LLGL2: variants seen among roughly 807,000 people sequenced by gnomAD.
LLGL2 encodes the protein LLGL2, scribble cell polarity complex component.
LLGL2 carries 81 observed loss-of-function variants against 123.2 expected under a neutral mutation model. That is an observed-to-expected ratio of 0.66 (90% CI 0.55 to 0.79). The LOEUF is 0.79. Among genes scored for constraint, LLGL2 ranks in the 30% least tolerant of loss-of-function variants. The probability of loss-of-function intolerance (pLI) is 0.00; values close to 1 mark genes in which losing one functional copy is unlikely to be tolerated. For synonymous variants in LLGL2, 577 were observed against 594.1 expected, an observed-to-expected ratio of 0.97 and a Z score of 0.42; for missense variants, 1,273 against 1,414.6, an observed-to-expected ratio of 0.90 and a Z score of 1.61.
At position 75,569,299 on chromosome 17, in the gene LLGL2, C is replaced by G. The variant is rs942272827; in HGVS notation, c.1555C>G (p.Leu519Val). Residue 519 changes from leucine to valine, a missense_variant, in exon 14 of 26, where the codon CTG becomes GTG. Leu to Val is a conservative substitution (Grantham distance 32). Transcript: ENST00000392550. Reference sequence around the variant, plus strand: ...CTTCCTCTGCAAGTACAGCGGCTACCTGGCTGTGGCAGGCACGGCAGGGCA... The same window carrying G: ...CTTCCTCTGCAAGTACAGCGGCTACGTGGCTGTGGCAGGCACGGCAGGGCA... ...KIFLCKYSGYLAVAGTAGQVL... is the reference protein window; with the variant it reads ...KIFLCKYSGYVAVAGTAGQVL... 6.2e-7 allele frequency: 1 copy of G among 1,613,318 alleles called. No homozygotes were observed. The highest frequency in any genetic ancestry group is 8.5e-7 in the Non-Finnish European group (1 of 1,179,982).
chr17:75,563,420 C>G lies in LLGL2; in HGVS notation c.783C>G (p.Ser261Arg). The G allele has an allele frequency of 1.2e-6, 2 of 1,612,772 alleles. No individual in the cohort carries two copies. The highest frequency in any genetic ancestry group is 1.7e-6 in the Non-Finnish European group (2 of 1,180,028). Residue 261 changes from serine to arginine, a missense_variant, in exon 8 of 26, where the codon AGC (serine) becomes AGG (arginine). Coordinates refer to ENST00000392550, the MANE Select transcript of LLGL2 (RefSeq NM_001031803.2). ...DGSYCQWPVS[S>R]EAQQPEPLRS... ...GCTACTGCCAGTGGCCCGTGTCCAG[C>G]GAAGCCCAGCAACCAGAGCCCCTCC... is the stretch of plus-strand genomic sequence containing the variant.
chr17:75,571,771 C>G lies in LLGL2; in HGVS notation c.2281C>G (p.Arg761Gly). The G allele has an allele frequency of 1.2e-6, 2 of 1,607,138 alleles. No individual in the cohort carries two copies. Among genetic ancestry groups the G allele is most frequent in the Non-Finnish European group, 1.7e-6 (2 of 1,179,524 alleles). ...CGAGCGGAGAATGGATGAGCCTGTG[C>G]GGGCAGAGCAGGGTGAGTGCTGGGC... Reference protein sequence around the residue: ...PAERRMDEPVRAEQAKEIQLM... With the variant: ...PAERRMDEPVGAEQAKEIQLM... Residue 761 changes from arginine (R) to glycine (G), a missense_variant, in exon 18 of 26, where the codon CGG becomes GGG. Arg to Gly is a moderately radical substitution (Grantham distance 125, BLOSUM62 -2). Transcript: ENST00000392550.
In LLGL2 at chr17:75,558,250, G is replaced by A; in HGVS notation, c.255+14G>A. The A allele has an allele frequency of 6.2e-7, 1 of 1,607,136 alleles. No individual in the cohort carries two copies. The highest frequency in any genetic ancestry group is 8.5e-7 in the Non-Finnish European group (1 of 1,176,040). On this transcript the variant is annotated intron_variant, in intron 4 of 25. Coordinates refer to ENST00000392550, the MANE Select transcript of LLGL2 (RefSeq NM_001031803.2). The surrounding 1 kb of genome is among the most constrained non-coding windows in gnomAD (Gnocchi z 4.0). ...CTGCCCGGCCAGGTGAGGGACCTGG[G>A]GTGGGACAGGAAGCCACTTCCATGC...
Position 75,549,982 on chromosome 17 carries a change from GT to G in LLGL2, c.76-6062del, listed in dbSNP as rs2054594128. Among the ~76,000 whole-genome samples the G allele has an allele frequency of 6.6e-6, 1 of 152,226 alleles. No individual in the cohort carries two copies. Among genetic ancestry groups the G allele is most frequent in the South Asian group, 2.1e-4 (1 of 4,828 alleles). On this transcript the variant is annotated intron_variant, in intron 2 of 25. Transcript: ENST00000392550. This position sits in a 1 kb window ranked among gnomAD's most constrained non-coding sequence, Gnocchi z 4.0. ...CTTTCCCAACCCCCCTGTCAAAAGA[GT>G]TCATTGTTCTCTCCTCCCTTGGCAG...
At chr17:75,557,795 G>A (rs991388904) in intron 3 of LLGL2, 1 of 363,320 alleles carries the variant, frequency 2.8e-6, no homozygotes, top group Admixed American at 3.8e-5. Flanking sequence ...TAGGCCCCCT[G>A]GGGTGCCGTG....
intron 22 of LLGL2, 84 bp downstream of exon 22, chr17:75,574,064 T>C: frequency 6.5e-7 from 1 of 1,549,578 alleles, no homozygotes; most frequent in Non-Finnish European, 8.7e-7. Flanking sequence ...GGGTCCCGAG[T>C]GAGCAGGTAG....
At chr17:75,528,324 C>A (rs1285578751) in intron 1 of LLGL2, among the ~76,000 whole-genome samples, 2 of 151,960 alleles carry the variant, frequency 1.3e-5, no homozygotes, top group Non-Finnish European at 2.9e-5. Flanking sequence ...ACTGTGTTAG[C>A]CAAGATGGTC....
Position 75,563,150 on chromosome 17 carries a change from G to A in LLGL2, c.665G>A (p.Arg222His), listed in dbSNP as rs772335625. The part of the protein sequence containing the change: ...LVVIWDLQGS[R>H]VLYHFLSSQQ... The stretch of plus-strand genomic sequence containing the variant: ...GTCATCTGGGACCTACAGGGCAGCC[G>A]CGTGCTCTACCACTTCCTCAGCAGC... The change falls in exon 7 of 26, where the codon CGC becomes CAC. Residue 222 changes from arginine (R) to histidine (H), a missense_variant. Coordinates refer to ENST00000392550, the MANE Select transcript of LLGL2 (RefSeq NM_001031803.2). 20 of 1,613,002 alleles carry A rather than the reference G, an allele frequency of 1.2e-5. No individual in the cohort carries two copies. The highest frequency in any genetic ancestry group is 4.5e-5 in the East Asian group (2 of 44,900).
chr17:75,565,575 G>A (rs1376559186), intron 10 of LLGL2, among the ~76,000 whole-genome samples: 3 of 152,186 alleles, frequency 2.0e-5, no homozygotes, highest in Non-Finnish European at 4.4e-5. Flanking sequence ...GGGCTATGGT[G>A]GCCACACTCC....
At chr17:75,542,112 C>T (rs192812488) in intron 1 of LLGL2, among the ~76,000 whole-genome samples, 18 of 152,210 alleles carry the variant, frequency 1.2e-4, no homozygotes, top group African/African-American at 4.1e-4. Flanking sequence ...CTGCCACGCA[C>T]GTTACCTACC....
chr17:75,546,470 G>C (rs1202816979), intron 2 of LLGL2: 1 of 176,888 alleles, frequency 5.7e-6, no homozygotes, highest in African/African-American at 2.4e-5. Context: ...GCCACGTCTG[G>C]CTGGCGGCTG....
At chr17:75,563,256 G>C (rs978559721) in intron 7 of LLGL2, 75 bp from the exon 8 acceptor site, 9 of 1,604,662 alleles carry the variant, frequency 5.6e-6, no homozygotes, top group African/African-American at 1.3e-5. Flanking sequence ...CTGTGCAGAG[G>C]CATGGGGTGC....
Position 75,559,456 on chromosome 17 carries a change from G to C in LLGL2, c.530+46G>C. 6.4e-7 allele frequency: 1 copy of C among 1,550,962 alleles called. No homozygotes were observed. The highest frequency in any genetic ancestry group is 8.7e-7 in the Non-Finnish European group (1 of 1,150,212). On this transcript the variant is annotated intron_variant, in intron 6 of 25. Coordinates refer to ENST00000392550, the MANE Select transcript of LLGL2 (RefSeq NM_001031803.2). This position sits in a 1 kb window ranked among gnomAD's most constrained non-coding sequence, Gnocchi z 4.6. ...CTGTTAACTCCATCCCCTCAAGTTA[G>C]GCATGGCTTCTCCCCTTGGTCCCAG...
chr17:75,569,887 G>A, intron 14 of LLGL2, 76 bp from the exon 15 acceptor site: 1 of 1,470,694 alleles, frequency 6.8e-7, no homozygotes, highest in Non-Finnish European at 9.1e-7. Context: ...CTCCTTTGCT[G>A]TCCCCACTAG....
At chr17:75,539,670 C>T (rs905321571) in intron 1 of LLGL2, among the ~76,000 whole-genome samples, 6 of 149,416 alleles carry the variant, frequency 4.0e-5, no homozygotes, top group Non-Finnish European at 7.4e-5. Context: ...TGCAGTGGTG[C>T]GATCTCAGCT....
intron 2 of LLGL2, among the ~76,000 whole-genome samples, chr17:75,548,716 A>G (rs1265574004): frequency 1.3e-5 from 2 of 150,110 alleles, no homozygotes; most frequent in African/African-American, 4.9e-5. Context: ...AGATCGCGCC[A>G]TTGCACTCCA....
intron 2 of LLGL2, among the ~76,000 whole-genome samples, chr17:75,555,050 A>C (rs1310116595): frequency 7.0e-6 from 1 of 142,102 alleles, no homozygotes; most frequent in Non-Finnish European, 1.5e-5. Context: ...GGTGGTGGGC[A>C]CCTGTAGTAC....
At position 75,559,091 on chromosome 17, in the gene LLGL2, C is replaced by T; in HGVS notation, c.372-161C>T. The T allele has an allele frequency of 1.3e-6, 1 of 771,704 alleles. No individual in the cohort carries two copies. Among genetic ancestry groups the T allele is most frequent in the East Asian group, 2.7e-5 (1 of 36,432 alleles). The allele number at this position is 771,704 out of a possible 1,614,324, so 47.8% of individuals were successfully genotyped here. A position where few individuals can be genotyped will look rare whatever the true frequency, so the allele number is the denominator to read the frequency against. On this transcript the variant is annotated intron_variant, in intron 5 of 25. Transcript: ENST00000392550. The surrounding 1 kb of genome is among the most constrained non-coding windows in gnomAD (Gnocchi z 4.6). ...AGCCCAGGCTCTCTGCCATCTGTCTCCTGTCTTGGCAGAAAGTGACCAATG... is the reference window on the plus strand; with the variant it reads ...AGCCCAGGCTCTCTGCCATCTGTCTTCTGTCTTGGCAGAAAGTGACCAATG...
rs1004663319 is a variant in LLGL2 at position 75,559,911 on chromosome 17, A to G, written c.530+501A>G. 1.9e-4 allele frequency among the ~76,000 whole-genome samples: 29 copies of G among 152,166 alleles called. No individual in the cohort carries two copies. The highest frequency in any genetic ancestry group is 6.8e-4 in the African/African-American group (28 of 41,444). On this transcript the variant is annotated intron_variant, in intron 6 of 25. Transcript: ENST00000392550. This position sits in a 1 kb window ranked among gnomAD's most constrained non-coding sequence, Gnocchi z 4.6. The stretch of plus-strand genomic sequence containing the variant: ...AGCTTTGCTCCTTGTTGATGATACT[A>G]CATTAGAGAGGGAGTTGGATCAGGT...
Sources: allele counts gnomAD v4.1 joint callset (sites outside exome capture counted in the v4.1 genomes callset), GRCh38; gene constraint gnomAD v4.1.1; non-coding constraint Gnocchi (gnomAD v3.1); transcripts MANE v1.5; gene names NCBI Gene and HGNC (gene_info 2026-07-23, HGNC 2026-07-21).